Variants in COL4A3 observed in about 807,000 individuals in gnomAD.
COL4A3 encodes the protein collagen type IV alpha 3 chain.
COL4A3 carries 135 observed loss-of-function variants against 217.4 expected under a neutral mutation model. The observed-to-expected ratio is 0.62, with a 90% CI of 0.54 to 0.72. The LOEUF (loss-of-function observed/expected upper bound fraction) is 0.72. Among genes scored for constraint, COL4A3 ranks in the 30% least tolerant of loss-of-function variants. COL4A3 has a pLI of 0.00. For synonymous variants in COL4A3, 690 were observed against 736.3 expected (o/e 0.94, Z 1.02); for missense variants, 1,868 against 2,119.9 (o/e 0.88, Z 2.33).
At chr2:227,168,874 C>CT (rs61092725) in intron 1 of COL4A3, among the ~76,000 whole-genome samples, 2 of 150,484 alleles carry the variant, frequency 1.3e-5, no homozygotes, top group Non-Finnish European at 3.0e-5. Flanking sequence ...TTCTTTCCTT[C>CT]TTTTTTTTCT....
chr2:227,172,025 A>C (rs6710485), intron 1 of COL4A3, among the ~76,000 whole-genome samples: 6 of 152,146 alleles, frequency 3.9e-5, no homozygotes, highest in African/African-American at 4.8e-5. Flanking sequence ...TGTTCACTGG[A>C]GTTGTATACG....
At chr2:227,198,033 A>G (rs1053655660) in intron 1 of COL4A3, among the ~76,000 whole-genome samples, 1 of 152,246 alleles carries the variant, frequency 6.6e-6, no homozygotes, top group Non-Finnish European at 1.5e-5. Flanking sequence ...GGTGAAGAAC[A>G]GTCAAAATGC....
rs2070032816 is a variant in COL4A3, at chr2:227,254,636, C to G, written c.829-20C>G. On this transcript the variant is annotated intron_variant, in intron 14 of 51. Coordinates refer to ENST00000396578, the MANE Select transcript of COL4A3 (RefSeq NM_000091.5). ...AAAATCAGTAATTCATAAAATTTGA[C>G]ATGGCTCTAATTAATACAGGGACTG... 3 of 1,587,066 alleles carry G rather than the reference C, an allele frequency of 1.9e-6. No homozygotes were observed. The highest frequency in any genetic ancestry group is 2.6e-6 in the Non-Finnish European group (3 of 1,155,462).
At chr2:227,300,195 AG>A (rs2073216978) in intron 43 of COL4A3, among the ~76,000 whole-genome samples, 2 of 152,228 alleles carry the variant, frequency 1.3e-5, no homozygotes, top group Non-Finnish European at 2.9e-5. Flanking sequence ...GCTAAAGGAC[AG>A]AAGGGTCTAC....
intron 43 of COL4A3, among the ~76,000 whole-genome samples, chr2:227,299,389 C>A (rs1180756605): frequency 6.6e-6 from 1 of 150,902 alleles, no homozygotes; most frequent in African/African-American, 2.4e-5. Context: ...AGTGAGACTC[C>A]GTCAAAACAA....
Position 227,270,831 on chromosome 2 carries a change from C to T in COL4A3, c.1637C>T (p.Pro546Leu), listed in dbSNP as rs772037798. The change falls in exon 25 of 52, where the codon CCT becomes CTT. Residue 546 changes from proline (P) to leucine (L), a missense_variant. Around this residue, in one of 2 missense-constraint regions of COL4A3, gnomAD observed 1,503 missense variants for 1,786.1 expected, o/e 0.84. Coordinates refer to ENST00000396578, the MANE Select transcript of COL4A3 (RefSeq NM_000091.5). The stretch of plus-strand genomic sequence containing the variant: ...GGAGAAAAAGGTGAAACACTTCAGC[C>T]TGAGGGGCAAGTGGGTGTCCCAGGT... Reference protein sequence around the residue: ...LKGEKGETLQPEGQVGVPGDP... With the variant: ...LKGEKGETLQLEGQVGVPGDP... 45 of 1,614,040 alleles carry T rather than the reference C, an allele frequency of 2.8e-5. No homozygotes were observed. The East Asian group carries it at 9.4e-4, about 34-fold the overall frequency.
chr2:227,283,916 C>A, intron 33 of COL4A3, 60 bp downstream of exon 33: 1 of 1,444,456 alleles, frequency 6.9e-7, no homozygotes, highest in Non-Finnish European at 9.7e-7. Flanking sequence ...ATTTATTTTG[C>A]AGCAAAAAAA....
intron 1 of COL4A3, among the ~76,000 whole-genome samples, chr2:227,236,663 A>ATT (rs375943584): frequency 0.013 from 1,838 of 144,692 alleles, 32 homozygotes; most frequent in Middle Eastern, 0.051. Flanking sequence ...GTCAAAACAC[A>ATT]TTTTTTCTTT....
chr2:227,307,610 A>G (rs1285742013), intron 47 of COL4A3, 100 bp from the exon 48 acceptor site: 1 of 1,009,836 alleles, frequency 9.9e-7, no homozygotes, highest in African/African-American at 1.6e-5. Flanking sequence ...CTTTCAATTT[A>G]TGGGCTCAAC....
chr2:227,293,320 A>G lies in COL4A3; in HGVS notation c.3337+3A>G. On this transcript the variant is annotated splice_donor_region_variant and intron_variant, in intron 38 of 51. Coordinates refer to ENST00000396578, the MANE Select transcript of COL4A3 (RefSeq NM_000091.5). ...TCCTGGAAGTCCTGGCCTCCCAGGT[A>G]AGGCTTGAGTTTACAATTCTAAAAG... 6.2e-7 allele frequency: 1 copy of G among 1,613,784 alleles called. No individual in the cohort carries two copies. Among genetic ancestry groups the G allele is most frequent in the African/African-American group, 1.3e-5 (1 of 75,040 alleles).
chr2:227,206,476 G>A (rs978578077), intron 1 of COL4A3, among the ~76,000 whole-genome samples: 27 of 152,214 alleles, frequency 1.8e-4, no homozygotes, highest in Admixed American at 2.6e-4. Context: ...GCTCAGGTGG[G>A]AACTGAGGAG....
At chr2:227,227,015 T>C (rs1464456305) in intron 1 of COL4A3, among the ~76,000 whole-genome samples, 1 of 152,252 alleles carries the variant, frequency 6.6e-6, no homozygotes, top group Non-Finnish European at 1.5e-5. Context: ...AAAGTTTATA[T>C]AATTTTCACA....
intron 1 of COL4A3, among the ~76,000 whole-genome samples, chr2:227,219,167 T>C (rs73088294): frequency 0.18 from 26,700 of 151,896 alleles, 2,997 homozygotes; most frequent in East Asian, 0.57. Flanking sequence ...GCTAATTTTG[T>C]ATTTTTTTTT....
chr2:227,215,606 C>A (rs1466105125), intron 1 of COL4A3, among the ~76,000 whole-genome samples: 3 of 152,030 alleles, frequency 2.0e-5, no homozygotes, highest in Admixed American at 1.3e-4. Context: ...TTACAGGTGC[C>A]CACCACCATG....
At chr2:227,217,849 A>G (rs2067583325) in intron 1 of COL4A3, among the ~76,000 whole-genome samples, 1 of 152,030 alleles carries the variant, frequency 6.6e-6, no homozygotes, top group Admixed American at 6.6e-5. Context: ...TGAAATTTGG[A>G]GGCCTTACAG....
intron 1 of COL4A3, among the ~76,000 whole-genome samples, chr2:227,187,440 G>A (rs2125691701): frequency 6.6e-6 from 1 of 152,232 alleles, no homozygotes; most frequent in African/African-American, 2.4e-5. Flanking sequence ...AGCTGTGTAT[G>A]ATCCAAATGG....
intron 28 of COL4A3, among the ~76,000 whole-genome samples, chr2:227,279,034 C>A (rs185917791): frequency 2.0e-5 from 3 of 151,946 alleles, no homozygotes; most frequent in Admixed American, 1.3e-4. Context: ...TCTTAAGCAA[C>A]CCCTGTTGAG....
At chr2:227,268,478 G>A (rs1337639931) in intron 23 of COL4A3, 1 of 152,256 alleles carries the variant, frequency 6.6e-6, no homozygotes, top group African/African-American at 2.4e-5. Flanking sequence ...TCACTGTCCA[G>A]TAGCCATTTG....
intron 7 of COL4A3, 73 bp from the exon 8 acceptor site, chr2:227,247,485 G>A (rs2069419650): frequency 7.1e-7 from 1 of 1,404,918 alleles, no homozygotes; most frequent in South Asian, 1.2e-5. Context: ...ATAGCAGAGA[G>A]GGCAGAGCAG....
Sources: allele counts gnomAD v4.1 joint callset (sites outside exome capture counted in the v4.1 genomes callset), GRCh38; gene constraint gnomAD v4.1.1; regional missense constraint gnomAD v4.1.1; transcripts MANE v1.5; gene names NCBI Gene and HGNC (gene_info 2026-07-23, HGNC 2026-07-21).